Variants in JAK1 observed in about 807,000 individuals in gnomAD.
The protein encoded by JAK1 is Janus kinase 1.
In JAK1, 16 loss-of-function variants were observed where a neutral mutation model predicts 136.6. That is an observed-to-expected ratio of 0.12 (90% CI 0.08 to 0.18). JAK1 has a LOEUF of 0.18. Among genes scored for constraint, JAK1 ranks in the 10% least tolerant of loss-of-function variants. The pLI is 1.00. For missense variants in JAK1, 859 were observed against 1,450.1 expected, an observed-to-expected ratio of 0.59 and a Z score of 6.62; for synonymous variants, 492 against 519.5, an observed-to-expected ratio of 0.95 and a Z score of 0.72.
At chr1:64,836,268 C>T (rs1344565582) in intron 22 of JAK1, 53 bp from the exon 23 acceptor site, 21 of 991,720 alleles carry the variant, frequency 2.1e-5, no homozygotes, top group Middle Eastern at 2.1e-4. Flanking sequence ...ACACTCCATC[C>T]GACATTACAG....
At chr1:64,905,222 C>G (rs1430418932) in intron 1 of JAK1, among the ~76,000 whole-genome samples, 1 of 152,194 alleles carries the variant, frequency 6.6e-6, no homozygotes, top group African/African-American at 2.4e-5. Flanking sequence ...TCAGGAAACC[C>G]TGCCTCATCT....
chr1:65,030,159 T>C (rs1391627514), intron 2 of JAK1, among the ~76,000 whole-genome samples: 1 of 152,212 alleles, frequency 6.6e-6, no homozygotes, highest in Admixed American at 6.5e-5. Context: ...CTCTCTGCAA[T>C]GTGTGAGGGC....
At chr1:64,938,809 G>C (rs1481286644) in intron 1 of JAK1, among the ~76,000 whole-genome samples, 1 of 152,164 alleles carries the variant, frequency 6.6e-6, no homozygotes, top group Non-Finnish European at 1.5e-5. Context: ...ATATGATGTG[G>C]GTAGAGGTAG....
chr1:65,017,084 T>A (rs769429073), intron 2 of JAK1, among the ~76,000 whole-genome samples: 8 of 151,860 alleles, frequency 5.3e-5, no homozygotes, highest in Non-Finnish European at 1.0e-4. Flanking sequence ...AAGAGAAAAA[T>A]CAGAAGATCC....
chr1:64,837,354 G>A (rs1325118286), intron 22 of JAK1, among the ~76,000 whole-genome samples: 16 of 152,190 alleles, frequency 1.1e-4, no homozygotes, highest in African/African-American at 1.7e-4. Flanking sequence ...TGGTTATGTC[G>A]TTATGTGGTT....
intron 2 of JAK1, among the ~76,000 whole-genome samples, chr1:64,976,225 G>A (rs112289774): frequency 5.3e-4 from 81 of 152,242 alleles, no homozygotes; most frequent in Admixed American, 1.8e-3. Context: ...GCCTCCTATC[G>A]CTGCAGGTGT....
At position 64,855,704 on chromosome 1, in the gene JAK1, C is replaced by T. The variant is rs752036685; in HGVS notation, c.1459-6G>A. ...TTCTGGGCACCCTGCACCTGCTATT[C>T]GGGAAATGACCAGAAATTACATGTT... On this transcript the variant is annotated splice_polypyrimidine_tract_variant and splice_region_variant and intron_variant, in intron 10 of 24. Coordinates refer to ENST00000342505, the MANE Select transcript of JAK1 (RefSeq NM_002227.4). 11 of 1,609,486 alleles carry T rather than the reference C, an allele frequency of 6.8e-6. No homozygotes were observed. Among genetic ancestry groups the T allele is most frequent in the South Asian group, 2.2e-5 (2 of 90,828 alleles).
chr1:65,030,623 C>G (rs1050691376), intron 2 of JAK1, among the ~76,000 whole-genome samples: 2 of 152,014 alleles, frequency 1.3e-5, no homozygotes, highest in African/African-American at 2.4e-5. Context: ...ACCTCCACCT[C>G]CCGGGTTCAA....
intron 2 of JAK1, among the ~76,000 whole-genome samples, chr1:64,981,908 G>A (rs1646549298): frequency 6.6e-6 from 1 of 152,132 alleles, no homozygotes; most frequent in Non-Finnish European, 1.5e-5. Flanking sequence ...ACTAAGAAGA[G>A]CACTTATCCA....
At chr1:64,850,566 G>A (rs1368472918) in intron 12 of JAK1, among the ~76,000 whole-genome samples, 1 of 152,218 alleles carries the variant, frequency 6.6e-6, no homozygotes, top group East Asian at 1.9e-4. Flanking sequence ...GCTGTTCTAG[G>A]TAACCCCACA....
intron 2 of JAK1, among the ~76,000 whole-genome samples, chr1:65,010,014 A>G (rs1008509418): frequency 9.2e-5 from 14 of 152,228 alleles, no homozygotes; most frequent in Admixed American, 3.3e-4. Flanking sequence ...TTTCGACTCC[A>G]TCATGCAAGG....
At position 64,844,718 on chromosome 1, in the gene JAK1, C is replaced by T. The variant is rs778021656; in HGVS notation, c.2251+36G>A. ...TCTCTCTGCTGACTTGCCCCTGACTCGGGGTGGGGCCAGAGGGAAGAGAGG... is the reference window on the plus strand; with the variant it reads ...TCTCTCTGCTGACTTGCCCCTGACTTGGGGTGGGGCCAGAGGGAAGAGAGG... On this transcript the variant is annotated intron_variant, in intron 16 of 24. Transcript: ENST00000342505. The surrounding 1 kb of genome is among the most constrained non-coding windows in gnomAD (Gnocchi z 5.7). 1.6e-5 allele frequency: 26 copies of T among 1,613,148 alleles called. No individual in the cohort carries two copies. The highest frequency in any genetic ancestry group is 1.5e-4 in the Admixed American group (9 of 60,004).
intron 14 of JAK1, 77 bp downstream of exon 14, chr1:64,846,572 G>C: frequency 9.5e-7 from 1 of 1,048,524 alleles, no homozygotes; most frequent in Non-Finnish European, 1.5e-6. Flanking sequence ...GTGAGGGTGG[G>C]AAGAGCCTCC....
At chr1:65,025,802 C>T (rs1451158968) in intron 2 of JAK1, among the ~76,000 whole-genome samples, 2 of 152,080 alleles carry the variant, frequency 1.3e-5, no homozygotes, top group Non-Finnish European at 2.9e-5. Flanking sequence ...CTCAGCCTCC[C>T]GAGTAGCTGT....
At chr1:64,910,703 G>A (rs568611949) in intron 1 of JAK1, among the ~76,000 whole-genome samples, 120 of 152,090 alleles carry the variant, frequency 7.9e-4, no homozygotes, top group Admixed American at 1.9e-3. Flanking sequence ...GCATGGTGGC[G>A]AGCGCCTGTA....
chr1:65,064,272 A>C (rs1445249479), intron 1 of JAK1, among the ~76,000 whole-genome samples: 1 of 152,226 alleles, frequency 6.6e-6, no homozygotes, highest in Non-Finnish European at 1.5e-5. Context: ...TCCTCACCCT[A>C]GCCATATTTC....
chr1:65,055,854 C>T (rs2100873495), intron 1 of JAK1, among the ~76,000 whole-genome samples: 1 of 152,288 alleles, frequency 6.6e-6, no homozygotes, highest in Non-Finnish European at 1.5e-5. Context: ...CTGCAAATGA[C>T]ACCCAACACT....
intron 4 of JAK1, among the ~76,000 whole-genome samples, chr1:64,873,831 C>T (rs1657227224): frequency 1.3e-5 from 2 of 152,220 alleles, no homozygotes; most frequent in African/African-American, 4.8e-5. Context: ...GAACTCCATG[C>T]TGACCACAGC....
At chr1:65,008,666 C>G (rs1372951804) in intron 2 of JAK1, among the ~76,000 whole-genome samples, 1 of 151,660 alleles carries the variant, frequency 6.6e-6, no homozygotes, top group Non-Finnish European at 1.5e-5. Flanking sequence ...TCCCCTTTCC[C>G]TTCCCCTTCT....
Sources: allele counts gnomAD v4.1 joint callset (sites outside exome capture counted in the v4.1 genomes callset), GRCh38; gene constraint gnomAD v4.1.1; non-coding constraint Gnocchi (gnomAD v3.1); transcripts MANE v1.5; gene names NCBI Gene and HGNC (gene_info 2026-07-23, HGNC 2026-07-21).